The following AGBL4 variants were observed in gnomAD, a reference collection of about 807,000 sequenced individuals.
AGBL4 encodes the protein cytosolic carboxypeptidase 6.
In AGBL4, 58 loss-of-function variants were observed where a neutral mutation model predicts 66.4. The observed-to-expected ratio is 0.87, with a 90% confidence interval of 0.71 to 1.09. The LOEUF (loss-of-function observed/expected upper bound fraction) is 1.09. Among genes scored for constraint, AGBL4 ranks in the 50% least tolerant of loss-of-function variants. AGBL4 has a pLI of 0.00. For missense variants in AGBL4, 579 were observed against 631.0 expected (o/e 0.92, Z 0.88); for synonymous variants, 234 against 222.9 (o/e 1.05, Z -0.44).
At chr1:49,433,681 CG>C (rs1161051151) in intron 3 of AGBL4, among the ~76,000 whole-genome samples, 3 of 152,044 alleles carry the variant, frequency 2.0e-5, no homozygotes, top group Non-Finnish European at 4.4e-5. Context: ...CAAAATAAGC[CG>C]GATTTGAATC....
chr1:49,068,392 C>T (rs1436160735), intron 4 of AGBL4, among the ~76,000 whole-genome samples: 12 of 151,142 alleles, frequency 7.9e-5, no homozygotes. Flanking sequence ...ACCCCCACCC[C>T]CCAACAGGCC....
intron 3 of AGBL4, among the ~76,000 whole-genome samples, chr1:49,660,187 T>TG (rs1646240125): frequency 6.6e-6 from 1 of 151,896 alleles, no homozygotes; most frequent in Non-Finnish European, 1.5e-5. Context: ...TAGGAGAAAA[T>TG]TTTTTCAATC....
intron 11 of AGBL4, among the ~76,000 whole-genome samples, chr1:48,577,637 G>T (rs1045013928): frequency 1.3e-5 from 2 of 152,162 alleles, no homozygotes; most frequent in Admixed American, 6.5e-5. Flanking sequence ...TGATCTGGAG[G>T]TGAGAGGCAG....
In AGBL4 at chr1:48,828,542, C is replaced by T. The variant is rs150976658; in HGVS notation, c.634+38649G>A. Among the ~76,000 whole-genome samples the T allele has an allele frequency of 4.9e-4, 75 of 152,306 alleles. 1 individual carries two copies. The South Asian group carries it at 1.0e-2, about 20-fold the overall frequency. On this transcript the variant is annotated intron_variant, in intron 6 of 13. Transcript: ENST00000371839. ...GTGCCAGTTCCCTGCATTGAATCCT[C>T]TTTGTTTCAAATATTTGGAGTGATT...
At chr1:49,686,020 T>A (rs1347216283) in intron 3 of AGBL4, among the ~76,000 whole-genome samples, 1 of 152,168 alleles carries the variant, frequency 6.6e-6, no homozygotes, top group Non-Finnish European at 1.5e-5. Flanking sequence ...CTAGGATTTT[T>A]ATAGTCTTAG....
At chr1:49,518,445 G>T (rs557019325) in intron 3 of AGBL4, among the ~76,000 whole-genome samples, 2 of 152,168 alleles carry the variant, frequency 1.3e-5, no homozygotes, top group African/African-American at 4.8e-5. Flanking sequence ...AAATAAGATA[G>T]AGATGTTTCT....
chr1:48,933,687 T>C (rs1571035270), intron 5 of AGBL4, among the ~76,000 whole-genome samples: 1 of 152,204 alleles, frequency 6.6e-6, no homozygotes, highest in East Asian at 1.9e-4. Flanking sequence ...TAGTAATTTT[T>C]TTCCTGTTTC....
chr1:49,081,960 C>G (rs368409341), intron 4 of AGBL4, among the ~76,000 whole-genome samples: 1 of 152,120 alleles, frequency 6.6e-6, no homozygotes, highest in Non-Finnish European at 1.5e-5. Context: ...GATTTAGGAG[C>G]AACAGTAGAT....
At chr1:49,655,278 G>T (rs544781332) in intron 3 of AGBL4, among the ~76,000 whole-genome samples, 41 of 152,202 alleles carry the variant, frequency 2.7e-4, no homozygotes, top group Admixed American at 5.2e-4. Flanking sequence ...ACTCTCTTCT[G>T]GCTTGTAGAG....
Position 50,019,306 on chromosome 1 carries a change from T to TCTCTCTCA in AGBL4, c.34+4456_34+4457insTGAGAGAG, listed in dbSNP as rs1167835143. 5.4e-3 allele frequency among the ~76,000 whole-genome samples: 262 copies of TCTCTCTCA among 48,432 alleles called. 3 individuals are homozygous for TCTCTCTCA. The highest frequency in any genetic ancestry group is 0.026 in the South Asian group (16 of 626). 31.8% of individuals were successfully genotyped at this position (48,432 alleles called of 152,430 possible). A position where few individuals can be genotyped will look rare whatever the true frequency, so the allele number is the denominator to read the frequency against. On this transcript the variant is annotated intron_variant, in intron 1 of 13. Coordinates refer to ENST00000371839, the MANE Select transcript of AGBL4 (RefSeq NM_032785.4). ...CTCTCTCTCTCTCTCTCTCTCTCTC[T>TCTCTCTCA]CACACACACACACACACACACACAC... is the stretch of plus-strand genomic sequence containing the variant.
rs116641685 is a variant in AGBL4, at chr1:48,807,084, T to C, written c.634+60107A>G. On this transcript the variant is annotated intron_variant, in intron 6 of 13. Coordinates refer to ENST00000371839, the MANE Select transcript of AGBL4 (RefSeq NM_032785.4). ...GTCTCTTCAAGATTCACTCAGATGT[T>C]ACCTCCTCTAGGAAGCATTCTGTGA... Among the ~76,000 whole-genome samples, 873 of 152,352 alleles carry C rather than the reference T, an allele frequency of 5.7e-3. 9 individuals carry two copies. Among genetic ancestry groups the C allele is most frequent in the African/African-American group, 0.02 (839 of 41,578 alleles).
At chr1:49,821,534 T>C (rs1645370137) in intron 2 of AGBL4, among the ~76,000 whole-genome samples, 1 of 152,198 alleles carries the variant, frequency 6.6e-6, no homozygotes, top group Non-Finnish European at 1.5e-5. Context: ...TAAGATTATC[T>C]TGAATGTATA....
intron 3 of AGBL4, among the ~76,000 whole-genome samples, chr1:49,613,682 G>A (rs1311389012): frequency 6.6e-6 from 1 of 152,048 alleles, no homozygotes; most frequent in Admixed American, 6.5e-5. Context: ...CCCCCAGATG[G>A]GACCATATAG....
At chr1:48,861,148 C>A (rs1647430405) in intron 6 of AGBL4, among the ~76,000 whole-genome samples, 1 of 152,088 alleles carries the variant, frequency 6.6e-6, no homozygotes, top group African/African-American at 2.4e-5. Flanking sequence ...AAAATCTAGA[C>A]TAGACATGGT....
At chr1:49,657,702 C>T (rs1402961381) in intron 3 of AGBL4, among the ~76,000 whole-genome samples, 1 of 152,062 alleles carries the variant, frequency 6.6e-6, no homozygotes, top group Admixed American at 6.5e-5. Flanking sequence ...GAAATAATAC[C>T]ACACATCTAC....
At chr1:49,212,947 TTTTA>T (rs1303526915) in intron 4 of AGBL4, among the ~76,000 whole-genome samples, 2 of 152,150 alleles carry the variant, frequency 1.3e-5, no homozygotes, top group East Asian at 1.9e-4. Context: ...AAGCATTTAT[TTTTA>T]TTTATTATTG....
chr1:49,656,836 C>T (rs1376537612), intron 3 of AGBL4, among the ~76,000 whole-genome samples: 2 of 152,090 alleles, frequency 1.3e-5, no homozygotes, highest in Admixed American at 6.5e-5. Flanking sequence ...TCAATAAATT[C>T]GGCATTGATG....
intron 3 of AGBL4, among the ~76,000 whole-genome samples, chr1:49,366,686 CA>C (rs1644247766): frequency 6.6e-6 from 1 of 152,102 alleles, no homozygotes; most frequent in South Asian, 2.1e-4. Context: ...ACTAACATCC[CA>C]AATGAGTTCC....
intron 1 of AGBL4, among the ~76,000 whole-genome samples, chr1:49,859,454 C>T (rs1304070665): frequency 6.6e-6 from 1 of 151,994 alleles, no homozygotes; most frequent in Non-Finnish European, 1.5e-5. Context: ...TGTAATTCAC[C>T]ATAGTGACAG....
Sources: gnomAD v4.1 joint callset for allele counts (sites outside exome capture counted in the v4.1 genomes callset) on GRCh38, gnomAD v4.1.1 for gene constraint, MANE v1.5 for transcripts, NCBI Gene and HGNC (gene_info 2026-07-23, HGNC 2026-07-21) for gene names.